Variants in PARD3B observed in about 807,000 individuals in gnomAD.
PARD3B encodes partitioning defective 3 homolog B.
Under a neutral mutation model 130.2 loss-of-function variants are expected in PARD3B, and 103 were observed. The observed-to-expected ratio is 0.79, with a 90% CI of 0.67 to 0.93. The LOEUF is 0.93. PARD3B is among the 40% of genes least tolerant of loss of function. PARD3B has a pLI of 0.00. For synonymous variants in PARD3B, 583 were observed against 553.2 expected (o/e 1.05, Z -0.76); for missense variants, 1,609 against 1,499.2 (o/e 1.07, Z -1.21).
intron 2 of PARD3B, among the ~76,000 whole-genome samples, chr2:204,766,997 T>TTTTTTTA (rs2041192301): frequency 7.4e-6 from 1 of 134,696 alleles, no homozygotes; most frequent in Admixed American, 7.6e-5. Flanking sequence ...TTTTATTTTA[T>TTTTTTTA]TTTTTTATTT....
intron 15 of PARD3B, among the ~76,000 whole-genome samples, chr2:205,231,642 C>T (rs1399250495): frequency 6.6e-6 from 1 of 151,864 alleles, no homozygotes; most frequent in Non-Finnish European, 1.5e-5. Flanking sequence ...CAGCCAGATT[C>T]ACTATTTTTA....
At chr2:205,427,166 G>A (rs745562592) in intron 19 of PARD3B, among the ~76,000 whole-genome samples, 1 of 152,114 alleles carries the variant, frequency 6.6e-6, no homozygotes, top group Non-Finnish European at 1.5e-5. Flanking sequence ...AGTGTAGGTG[G>A]CAATGCAAAA....
chr2:204,876,780 T>C (rs1161477671), intron 2 of PARD3B, among the ~76,000 whole-genome samples: 1 of 152,176 alleles, frequency 6.6e-6, no homozygotes, highest in African/African-American at 2.4e-5. Context: ...CTGCTTTATA[T>C]TGTCTGACGT....
rs1249673990 is a variant in PARD3B, at chr2:205,366,505, T to C, written c.2631-34508T>C. ...ATTCTGTAATTCACTGCATTTTACA[T>C]GTGGGGACCCAGAGGAATAGAAATG... On this transcript the variant is annotated intron_variant, in intron 18 of 22. Coordinates refer to ENST00000406610, the MANE Select transcript of PARD3B (RefSeq NM_001302769.2). This position sits in a 1 kb window ranked among gnomAD's most constrained non-coding sequence, Gnocchi z 5.0. Among the ~76,000 whole-genome samples the C allele has an allele frequency of 1.3e-5, 2 of 152,186 alleles. No individual in the cohort carries two copies. The highest frequency in any genetic ancestry group is 1.9e-4 in the East Asian group (1 of 5,192).
At chr2:205,359,885 C>CATAGA (rs1417263436) in intron 18 of PARD3B, among the ~76,000 whole-genome samples, 1 of 152,016 alleles carries the variant, frequency 6.6e-6, no homozygotes, top group African/African-American at 2.4e-5. Context: ...TCATGGGAGC[C>CATAGA]ATAGAATAAA....
intron 1 of PARD3B, among the ~76,000 whole-genome samples, chr2:204,666,479 G>GTGA (rs2036027912): frequency 6.6e-6 from 1 of 152,166 alleles, no homozygotes; most frequent in South Asian, 2.1e-4. Flanking sequence ...TTGGAGAAAA[G>GTGA]TGAGTCGATG....
intron 10 of PARD3B, among the ~76,000 whole-genome samples, chr2:205,133,334 T>G (rs1379157683): frequency 1.3e-5 from 2 of 152,128 alleles, no homozygotes; most frequent in Non-Finnish European, 2.9e-5. Context: ...GCTGCAATAA[T>G]TTGTTAGAAC....
At chr2:204,871,387 C>G (rs1445044600) in intron 2 of PARD3B, among the ~76,000 whole-genome samples, 2 of 152,046 alleles carry the variant, frequency 1.3e-5, no homozygotes, top group African/African-American at 2.4e-5. Context: ...CCTGATCTAT[C>G]CTTCAATTTT....
chr2:205,261,879 C>T (rs1394893714), intron 16 of PARD3B, among the ~76,000 whole-genome samples: 7 of 152,128 alleles, frequency 4.6e-5, no homozygotes, highest in African/African-American at 7.2e-5. Flanking sequence ...TCTTTTTGAA[C>T]CCCTGGAATG....
At chr2:205,163,093 C>T (rs555938556) in intron 11 of PARD3B, among the ~76,000 whole-genome samples, 2 of 152,282 alleles carry the variant, frequency 1.3e-5, no homozygotes, top group African/African-American at 4.8e-5. Flanking sequence ...TAAGAACACA[C>T]TGTAGTGAGA....
intron 1 of PARD3B, among the ~76,000 whole-genome samples, chr2:204,602,139 G>A (rs564191950): frequency 1.3e-5 from 2 of 152,116 alleles, no homozygotes; most frequent in African/African-American, 4.8e-5. Flanking sequence ...TACTCCTTGA[G>A]CCTAAATATT....
intron 2 of PARD3B, among the ~76,000 whole-genome samples, chr2:204,847,188 A>G (rs1219336607): frequency 9.4e-5 from 9 of 95,756 alleles, no homozygotes; most frequent in African/African-American, 3.0e-4. Flanking sequence ...TTTTTTTGCT[A>G]AGCATTGTTT....
At chr2:205,348,259 A>G (rs1171832378) in intron 18 of PARD3B, 1 of 152,238 alleles carries the variant, frequency 6.6e-6, no homozygotes, top group Non-Finnish European at 1.5e-5. Flanking sequence ...TACAAGCAAT[A>G]TATCTTCATC....
chr2:204,977,918 G>A (rs1255927657), intron 3 of PARD3B, among the ~76,000 whole-genome samples: 2 of 152,094 alleles, frequency 1.3e-5, no homozygotes, highest in Non-Finnish European at 2.9e-5. Flanking sequence ...CCAGATGTTG[G>A]GGAGAGGCCC....
chr2:205,201,082 A>T (rs1490261129), intron 15 of PARD3B, among the ~76,000 whole-genome samples: 1 of 152,196 alleles, frequency 6.6e-6, no homozygotes, highest in South Asian at 2.1e-4. Context: ...CTACAAAGAC[A>T]GTATAGAATG....
At chr2:205,252,215 T>C (rs1305960438) in intron 16 of PARD3B, among the ~76,000 whole-genome samples, 1 of 152,190 alleles carries the variant, frequency 6.6e-6, no homozygotes, top group South Asian at 2.1e-4. Flanking sequence ...AGAGACAACA[T>C]ATGTTTCCAA....
At chr2:204,559,572 G>T (rs542317498) in intron 1 of PARD3B, among the ~76,000 whole-genome samples, 1 of 152,246 alleles carries the variant, frequency 6.6e-6, no homozygotes, top group South Asian at 2.1e-4. Flanking sequence ...AAATAGGAAT[G>T]CTATTATGCT....
In PARD3B at chr2:204,675,220, A is replaced by T. The variant is rs1299594922; in HGVS notation, c.121-10961A>T. Among the ~76,000 whole-genome samples the T allele has an allele frequency of 6.6e-6, 1 of 152,190 alleles. No homozygotes were observed. Among genetic ancestry groups the T allele is most frequent in the African/African-American group, 2.4e-5 (1 of 41,460 alleles). ...CATTGTTTTTCAATATTATTAAATT[A>T]GTAATGGTTCAGTGTTTTACGTCTT... On this transcript the variant is annotated intron_variant, in intron 1 of 22. Transcript: ENST00000406610. The surrounding 1 kb of genome is among the most constrained non-coding windows in gnomAD (Gnocchi z 4.4).
chr2:205,440,517 C>T lies in PARD3B; in HGVS notation c.2889C>T (p.Cys963=). 5 of 1,614,048 alleles carry T rather than the reference C, an allele frequency of 3.1e-6. No individual in the cohort carries two copies. The highest frequency in any genetic ancestry group is 4.2e-6 in the Non-Finnish European group (5 of 1,179,976). Residue 963 remains cysteine, a synonymous_variant, in exon 20 of 23, where the codon TGC becomes TGT. Transcript: ENST00000406610. This position sits in a 1 kb window ranked among gnomAD's most constrained non-coding sequence, Gnocchi z 4.2. ...GAGTGAACCACTTTCGGGAACCATG[C>T]ACATCAGCAAATGTCTTTAGATCTC... ...YARVNHFREP[C]TSANVFRSPS...
Sources: allele counts gnomAD v4.1 joint callset (sites outside exome capture counted in the v4.1 genomes callset), GRCh38; gene constraint gnomAD v4.1.1; non-coding constraint Gnocchi (gnomAD v3.1); transcripts MANE v1.5; gene names NCBI Gene and HGNC (gene_info 2026-07-23, HGNC 2026-07-21).